MMP16: variants seen among roughly 807,000 people sequenced by gnomAD.
MMP16 encodes matrix metallopeptidase 16.
Under a neutral mutation model 67.8 loss-of-function variants are expected in MMP16, and 12 were observed. That is an observed-to-expected ratio of 0.18 (90% CI 0.11 to 0.29). The LOEUF (loss-of-function observed/expected upper bound fraction) is 0.29. Among genes scored for constraint, MMP16 ranks in the 10% least tolerant of loss-of-function variants. The probability of loss-of-function intolerance (pLI) is 1.00; values close to 1 mark genes in which losing one functional copy is unlikely to be tolerated. For synonymous variants in MMP16, 249 were observed against 255.9 expected, an observed-to-expected ratio of 0.97 and a Z score of 0.26; for missense variants, 475 against 765.7, an observed-to-expected ratio of 0.62 and a Z score of 4.48.
intron 1 of MMP16, among the ~76,000 whole-genome samples, chr8:88,271,875 T>G (rs1009630586): frequency 6.6e-6 from 1 of 152,118 alleles, no homozygotes; most frequent in East Asian, 1.9e-4. Context: ...CATGTAAAAT[T>G]TGTACTTATC....
rs377610650 is a variant in MMP16 at position 88,221,684 on chromosome 8, A to G, written c.133-24378T>C. Among the ~76,000 whole-genome samples, 22 of 152,230 alleles carry G rather than the reference A, an allele frequency of 1.4e-4. No homozygotes were observed. The East Asian group carries it at 2.9e-3, about 20-fold the overall frequency. On this transcript the variant is annotated intron_variant, in intron 1 of 9. Coordinates refer to ENST00000286614, the MANE Select transcript of MMP16 (RefSeq NM_005941.5). ...GACAGGATGAATTAACACAACTTCC[A>G]AAAAACACAGTACAATGAAAATGCA...
At chr8:88,217,032 T>A (rs1194710465) in intron 1 of MMP16, among the ~76,000 whole-genome samples, 8 of 152,122 alleles carry the variant, frequency 5.3e-5, no homozygotes, top group African/African-American at 1.9e-4. Context: ...TTGATGCTTA[T>A]CTGTCTCTGA....
chr8:88,288,160 A>G (rs1366533007), intron 1 of MMP16, among the ~76,000 whole-genome samples: 2 of 152,204 alleles, frequency 1.3e-5, no homozygotes, highest in African/African-American at 4.8e-5. Context: ...GTACTTAAAA[A>G]TCAATAAACA....
intron 4 of MMP16, among the ~76,000 whole-genome samples, chr8:88,153,550 G>A (rs574257006): frequency 1.6e-4 from 25 of 152,202 alleles, no homozygotes; most frequent in African/African-American, 5.8e-4. Context: ...AGAGCCCTCA[G>A]AAATAACACC....
At chr8:88,107,255 G>T (rs558698329) in intron 6 of MMP16, among the ~76,000 whole-genome samples, 1 of 150,434 alleles carries the variant, frequency 6.6e-6, no homozygotes, top group African/African-American at 2.4e-5. Context: ...AATATTACCT[G>T]GTTAAAAACT....
chr8:88,218,520 G>T (rs893299523), intron 1 of MMP16, among the ~76,000 whole-genome samples: 1 of 151,976 alleles, frequency 6.6e-6, no homozygotes, highest in African/African-American at 2.4e-5. Context: ...TATGCCAGGT[G>T]ATAGATATGT....
chr8:88,238,522 G>A (rs1809981889), intron 1 of MMP16, among the ~76,000 whole-genome samples: 1 of 151,886 alleles, frequency 6.6e-6, no homozygotes, highest in Non-Finnish European at 1.5e-5. Flanking sequence ...GCTGGATGCA[G>A]CTGGGCCCGG....
intron 2 of MMP16, among the ~76,000 whole-genome samples, chr8:88,190,102 A>T (rs537477678): frequency 6.6e-6 from 1 of 152,370 alleles, no homozygotes; most frequent in African/African-American, 2.4e-5. Context: ...AAACAAAATC[A>T]TGAAGTAGAT....
chr8:88,292,605 C>T (rs932505619), intron 1 of MMP16, among the ~76,000 whole-genome samples: 13 of 152,002 alleles, frequency 8.6e-5, no homozygotes, highest in Admixed American at 2.0e-4. Context: ...GAGAAGCAAA[C>T]TCTATGAGAT....
intron 4 of MMP16, among the ~76,000 whole-genome samples, chr8:88,133,916 A>G (rs1037237226): frequency 4.0e-5 from 6 of 151,784 alleles, no homozygotes; most frequent in African/African-American, 1.2e-4. Context: ...TATAAAAAAT[A>G]AAAGGAAAGA....
intron 1 of MMP16, among the ~76,000 whole-genome samples, chr8:88,270,131 C>T (rs1810542835): frequency 6.6e-6 from 1 of 152,070 alleles, no homozygotes; most frequent in Admixed American, 6.5e-5. Context: ...ATCATATTTC[C>T]AGAGCTCAAC....
intron 1 of MMP16, among the ~76,000 whole-genome samples, chr8:88,270,093 A>C (rs1366077414): frequency 3.9e-5 from 6 of 152,142 alleles, no homozygotes; most frequent in Non-Finnish European, 8.8e-5. Context: ...CTGCCTTCTG[A>C]CCCAGTTCTT....
intron 1 of MMP16, among the ~76,000 whole-genome samples, chr8:88,303,315 A>G (rs1023632761): frequency 1.6e-4 from 24 of 152,164 alleles, no homozygotes; most frequent in Non-Finnish European, 2.5e-4. Context: ...TCTGCCTGAG[A>G]AGGACAAAGT....
At chr8:88,313,741 A>C (rs1490143817) in intron 1 of MMP16, among the ~76,000 whole-genome samples, 1 of 152,182 alleles carries the variant, frequency 6.6e-6, no homozygotes, top group Non-Finnish European at 1.5e-5. Context: ...TTACAAAATA[A>C]AGAGGTTTAA....
intron 6 of MMP16, among the ~76,000 whole-genome samples, chr8:88,102,128 A>T (rs1809155232): frequency 6.6e-6 from 1 of 151,828 alleles, no homozygotes; most frequent in South Asian, 2.1e-4. Context: ...CTTTGTCCCT[A>T]CCAGCAAGTG....
At chr8:88,130,583 A>G (rs530637532) in intron 4 of MMP16, among the ~76,000 whole-genome samples, 3 of 151,890 alleles carry the variant, frequency 2.0e-5, no homozygotes, top group East Asian at 3.9e-4. Context: ...GCAGCAAAAT[A>G]TCTTGTCTTA....
At chr8:88,103,763 T>G (rs1809185409) in intron 6 of MMP16, among the ~76,000 whole-genome samples, 1 of 151,840 alleles carries the variant, frequency 6.6e-6, no homozygotes, top group East Asian at 1.9e-4. Context: ...ACCTTGTCAC[T>G]CTGCATGATT....
In MMP16 at chr8:88,036,761, T is replaced by C. The variant is rs1808059680; in HGVS notation, c.*4700A>G. On this transcript the variant is annotated 3_prime_UTR_variant, in exon 10 of 10. Transcript: ENST00000286614. Reference sequence around the variant, plus strand: ...CTGAAATGCACATTTTTGGTTTATATAGCATATTCTATTTGACATCTGTGA... The same window carrying C: ...CTGAAATGCACATTTTTGGTTTATACAGCATATTCTATTTGACATCTGTGA... 1 of 151,810 alleles carries C rather than the reference T, an allele frequency of 6.6e-6. No individual in the cohort carries two copies. The highest frequency in any genetic ancestry group is 1.5e-5 in the Non-Finnish European group (1 of 67,794). 9.4% of individuals were successfully genotyped at this position (151,810 alleles called of 1,614,324 possible). A position where few individuals can be genotyped will look rare whatever the true frequency, so the allele number is the denominator to read the frequency against.
chr8:88,308,632 T>C (rs1811248045), intron 1 of MMP16, among the ~76,000 whole-genome samples: 1 of 151,378 alleles, frequency 6.6e-6, no homozygotes, highest in Admixed American at 6.6e-5. Context: ...GATTCCAGTT[T>C]CCTTATCTAC....
Sources: allele counts gnomAD v4.1 joint callset (sites outside exome capture counted in the v4.1 genomes callset), GRCh38; gene constraint gnomAD v4.1.1; transcripts MANE v1.5; gene names NCBI Gene and HGNC (gene_info 2026-07-23, HGNC 2026-07-21).